AADACL3: variants seen among roughly 807,000 people sequenced by gnomAD.
AADACL3 encodes the protein arylacetamide deacetylase-like 3.
Under a neutral mutation model 13.6 loss-of-function variants are expected in AADACL3, and 13 were observed. That is an observed-to-expected ratio of 0.95 (90% CI 0.62 to 1.52). AADACL3 has a LOEUF of 1.52. Ranked by LOEUF, AADACL3 falls within the 40% of genes most tolerant of loss-of-function variation. The pLI is 0.00. For missense variants in AADACL3, 519 were observed against 499.2 expected (o/e 1.04, Z -0.38); for synonymous variants, 195 against 197.0 (o/e 0.99, Z 0.08).
At position 12,728,323 on chromosome 1, in the gene AADACL3, C is replaced by T. The variant is rs2100222579; in HGVS notation, c.*2327C>T. 6.6e-6 allele frequency: 1 copy of T among 152,292 alleles called. No homozygotes were observed. Among genetic ancestry groups the T allele is most frequent in the East Asian group, 1.9e-4 (1 of 5,190 alleles). The allele number at this position is 152,292 out of a possible 1,614,324, so 9.4% of individuals were successfully genotyped here. A position where few individuals can be genotyped will look rare whatever the true frequency, so the allele number is the denominator to read the frequency against. The stretch of plus-strand genomic sequence containing the variant: ...TGGATATTGCAGATTCAGTTCCAGA[C>T]CACAGCAATAAAGCAAGTCACATGA... On this transcript the variant is annotated 3_prime_UTR_variant, in exon 4 of 4. Transcript: ENST00000359318.
At position 12,716,901 on chromosome 1, in the gene AADACL3, G is replaced by T. The variant is rs191653108; in HGVS notation, c.168+557G>T. Among the ~76,000 whole-genome samples, 158 of 152,196 alleles carry T rather than the reference G, an allele frequency of 1.0e-3. 3 individuals carry two copies. The highest frequency in any genetic ancestry group is 2.4e-3 in the Admixed American group (37 of 15,290). On this transcript the variant is annotated intron_variant, in intron 1 of 3. Transcript: ENST00000359318. ...GGTAGCGGATGAGTAGATTAGTGCC[G>T]GTGAGCAAAATTACAGAATGTGACT... is the stretch of plus-strand genomic sequence containing the variant.
In AADACL3 at chr1:12,716,128, T is replaced by G; in HGVS notation, c.-49T>G. 1 of 643,156 alleles carries G rather than the reference T, an allele frequency of 1.6e-6. No homozygotes were observed. Among genetic ancestry groups the G allele is most frequent in the South Asian group, 1.8e-5 (1 of 56,012 alleles). The allele number at this position is 643,156 out of a possible 1,614,324, so 39.8% of individuals were successfully genotyped here. A position where few individuals can be genotyped will look rare whatever the true frequency, so the allele number is the denominator to read the frequency against. ...TGGCTCTGAACCATGTCCTAAATGG[T>G]TTACACTGCGCACAGCTTCCTCTCA... On this transcript the variant is annotated 5_prime_UTR_variant, in exon 1 of 4. Transcript: ENST00000359318.
In AADACL3 at chr1:12,717,031, T is replaced by A. The variant is rs568138017; in HGVS notation, c.168+687T>A. On this transcript the variant is annotated intron_variant, in intron 1 of 3. Transcript: ENST00000359318. Reference sequence around the variant, plus strand: ...TAAAATACCTGTAAATGGAACTGTGTAGGTGTTGCCAATACGGATTTCTTG... The same window carrying A: ...TAAAATACCTGTAAATGGAACTGTGAAGGTGTTGCCAATACGGATTTCTTG... Among the ~76,000 whole-genome samples the A allele has an allele frequency of 3.9e-5, 6 of 152,364 alleles. No individual in the cohort carries two copies. In the South Asian group the frequency reaches 1.0e-3, roughly 26 times the overall value.
intron 1 of AADACL3, 150 bp downstream of exon 1, chr1:12,716,494 C>G (rs572197216): frequency 8.8e-7 from 1 of 1,139,728 alleles, no homozygotes; most frequent in African/African-American, 1.5e-5. Flanking sequence ...GTGCATAATC[C>G]CTATTAGGTG....
rs767917829 is a variant in AADACL3 at position 12,725,704 on chromosome 1, C to T, written c.932C>T (p.Ala311Val). ...LKPHEPMNEA[A>V]YLEVSVVLDV... ...CCCCATGAGCCCATGAATGAAGCTG[C>T]TTACTTGGAAGTAAGTGTTGTCCTG... is the stretch of plus-strand genomic sequence containing the variant. Residue 311 changes from alanine (A) to valine (V), a missense_variant, in exon 4 of 4, where the codon GCT becomes GTT. Ala to Val is a moderately conservative substitution (Grantham distance 64). Transcript: ENST00000359318. 1.2e-6 allele frequency: 2 copies of T among 1,614,150 alleles called. No homozygotes were observed. Among genetic ancestry groups the T allele is most frequent in the Admixed American group, 1.7e-5 (1 of 60,012 alleles).
rs547389951 is a variant in AADACL3 at position 12,720,929 on chromosome 1, C to T, written c.432C>T (p.Ser144=). 3.8e-5 allele frequency: 61 copies of T among 1,610,200 alleles called. No homozygotes were observed. Among genetic ancestry groups the T allele is most frequent in the South Asian group, 8.8e-5 (8 of 91,024 alleles). Residue 144 remains serine, a synonymous_variant, in exon 3 of 4, where the codon TCC becomes TCT. Coordinates refer to ENST00000359318, the MANE Select transcript of AADACL3 (RefSeq NM_001103170.3). ...ICSRLCKESD[S]VVLAVGYRKL... is the part of the protein sequence containing the mutation. ...CTCGTTTGTGCAAGGAGAGTGACTCCGTGGTTCTGGCAGTTGGGTGAGTAA... is the reference window on the plus strand; with the variant it reads ...CTCGTTTGTGCAAGGAGAGTGACTCTGTGGTTCTGGCAGTTGGGTGAGTAA...
chr1:12,719,561 C>A lies in AADACL3; in HGVS notation c.255C>A (p.Pro85=). Reference sequence around the variant, plus strand: ...ATCTGCCTCCGCTAAAGTATGACCCCGATGTTGTGGTCACGGATTTCCGCT... The same window carrying A: ...ATCTGCCTCCGCTAAAGTATGACCCAGATGTTGTGGTCACGGATTTCCGCT... ...MQDLPPLKYD[P]DVVVTDFRFG... is the part of the protein sequence containing the mutation. The change falls in exon 2 of 4, where the codon CCC becomes CCA. Residue 85 remains proline, a synonymous_variant. Transcript: ENST00000359318. 6.2e-7 allele frequency: 1 copy of A among 1,614,042 alleles called. No homozygotes were observed. Among genetic ancestry groups the A allele is most frequent in the South Asian group, 1.1e-5 (1 of 91,078 alleles).
intron 2 of AADACL3, among the ~76,000 whole-genome samples, 157 bp downstream of exon 2, chr1:12,719,848 G>T (rs1003901247): frequency 6.6e-6 from 1 of 152,080 alleles, no homozygotes; most frequent in Non-Finnish European, 1.5e-5. Flanking sequence ...CAAAAATATG[G>T]CATATATTGC....
rs368308333 is a variant in AADACL3, at chr1:12,725,904, G to T, written c.1132G>T (p.Gly378Ter). The change falls in exon 4 of 4, where the codon GGA (glycine) becomes TGA (stop). Residue 378 changes from glycine (G) to a stop codon, truncating the protein, a stop_gained. Coordinates refer to ENST00000359318, the MANE Select transcript of AADACL3 (RefSeq NM_001103170.3). LOFTEE classifies it low-confidence loss of function (END_TRUNC). ...GCACCATATGGAGGATGGTTTCCAT[G>T]GAGTGCTCAGGACCATTGACATGAG... Reference protein sequence around the residue: ...TWHHMEDGFHGVLRTIDMSFL... With the variant: ...TWHHMEDGFH 1.9e-6 allele frequency: 3 copies of T among 1,614,042 alleles called. No individual in the cohort carries two copies. The African/African-American group carries it at 4.0e-5, about 22-fold the overall frequency.
chr1:12,725,079 C>T, intron 3 of AADACL3, 143 bp from the exon 4 acceptor site: 2 of 849,924 alleles, frequency 2.4e-6, no homozygotes, highest in South Asian at 3.5e-5. Flanking sequence ...TGTGTCTCAT[C>T]TCATTTAAGC....
At chr1:12,722,720 T>C (rs1043674194) in intron 3 of AADACL3, among the ~76,000 whole-genome samples, 2 of 151,722 alleles carry the variant, frequency 1.3e-5, no homozygotes, top group Admixed American at 6.6e-5. Context: ...CATTTAAAAA[T>C]AGTGAACTTT....
Position 12,723,231 on chromosome 1 carries a change from A to G in AADACL3, c.450-1991A>G, listed in dbSNP as rs941833488. Among the ~76,000 whole-genome samples, 3 of 152,096 alleles carry G rather than the reference A, an allele frequency of 2.0e-5. No homozygotes were observed. The South Asian group carries it at 6.2e-4, about 31-fold the overall frequency. On this transcript the variant is annotated intron_variant, in intron 3 of 3. Transcript: ENST00000359318. ...TTAAAAATTGAAATAAAAGTGAGCT[A>G]TACATATATTTTTAAAAGATTAAAA...
Position 12,725,256 on chromosome 1 carries a change from C to G in AADACL3, c.484C>G (p.Pro162Ala), listed in dbSNP as rs1638340948. The G allele has an allele frequency of 1.2e-6, 2 of 1,610,300 alleles. No homozygotes were observed. The highest frequency in any genetic ancestry group is 1.7e-6 in the Non-Finnish European group (2 of 1,178,710). ...RKLPKHKFPV[P>A]VRDCLVATIH... The stretch of plus-strand genomic sequence containing the variant: ...GTTACCTAAGCATAAGTTTCCAGTG[C>G]CAGTAAGAGACTGCTTGGTGGCCAC... The change falls in exon 4 of 4, where the codon CCA (proline) becomes GCA (alanine). Residue 162 changes from proline (P) to alanine (A), a missense_variant. Pro to Ala is a conservative substitution (Grantham distance 27, BLOSUM62 -1). Coordinates refer to ENST00000359318, the MANE Select transcript of AADACL3 (RefSeq NM_001103170.3).
chr1:12,718,785 G>C (rs545602233), intron 1 of AADACL3, among the ~76,000 whole-genome samples: 17 of 152,286 alleles, frequency 1.1e-4, no homozygotes, highest in Middle Eastern at 3.4e-3. Context: ...ACAGGTATCA[G>C]CCACTGTGCC....
chr1:12,717,292 G>A (rs1648458415), intron 1 of AADACL3, among the ~76,000 whole-genome samples: 1 of 152,250 alleles, frequency 6.6e-6, no homozygotes, highest in East Asian at 1.9e-4. Flanking sequence ...TGCAGTGATT[G>A]GGTCCTAGGT....
chr1:12,718,024 A>G (rs1276142443), intron 1 of AADACL3, among the ~76,000 whole-genome samples: 1 of 152,166 alleles, frequency 6.6e-6, no homozygotes, highest in Non-Finnish European at 1.5e-5. Flanking sequence ...ACATATTTGC[A>G]TTGCCTATTA....
chr1:12,718,940 ATT>A (rs1648500233), intron 1 of AADACL3, among the ~76,000 whole-genome samples: 1 of 152,008 alleles, frequency 6.6e-6, no homozygotes, highest in African/African-American at 2.4e-5. Flanking sequence ...CCTCATTTTC[ATT>A]TATTTAAGAA....
chr1:12,725,001 G>A (rs551844433), intron 3 of AADACL3, among the ~76,000 whole-genome samples: 12 of 152,286 alleles, frequency 7.9e-5, no homozygotes, highest in African/African-American at 2.4e-4. Context: ...TGGATGTCTC[G>A]TGACACAGGT....
chr1:12,717,341 C>T (rs914637819), intron 1 of AADACL3, among the ~76,000 whole-genome samples: 5 of 152,156 alleles, frequency 3.3e-5, no homozygotes, highest in Non-Finnish European at 5.9e-5. Flanking sequence ...AGTCCAGGCT[C>T]CCAAATACAG....
Sources: gnomAD v4.1 joint callset for allele counts (sites outside exome capture counted in the v4.1 genomes callset) on GRCh38, gnomAD v4.1.1 for gene constraint, MANE v1.5 for transcripts, NCBI Gene and HGNC (gene_info 2026-07-23, HGNC 2026-07-21) for gene names.